Variants in CNOT2 observed in about 807,000 individuals in gnomAD.
CNOT2 encodes the protein CC chemokine receptor 4-negative regulator of transcription 2.
In CNOT2, 7 loss-of-function variants were observed where a neutral mutation model predicts 72.1. That is an observed-to-expected ratio of 0.10 (90% CI 0.06 to 0.18). The LOEUF (loss-of-function observed/expected upper bound fraction) is 0.18, where lower values mean the gene tolerates loss of function less well. Among genes scored for constraint, CNOT2 ranks in the 10% least tolerant of loss-of-function variants. The probability of loss-of-function intolerance (pLI) is 1.00; values close to 1 mark genes in which losing one functional copy is unlikely to be tolerated. For missense variants in CNOT2, 345 were observed against 660.3 expected (o/e 0.52, Z 5.23); for synonymous variants, 196 against 225.6 (o/e 0.87, Z 1.17).
At chr12:70,331,151 A>G (rs985453381) in intron 6 of CNOT2, 1 of 151,890 alleles carries the variant, frequency 6.6e-6, no homozygotes, top group African/African-American at 2.4e-5. Context: ...CTACATGTAT[A>G]TATATGTATT....
chr12:70,284,745 C>CT (rs1565766999), intron 2 of CNOT2, among the ~76,000 whole-genome samples: 4 of 152,160 alleles, frequency 2.6e-5, no homozygotes, highest in East Asian at 1.9e-4. Flanking sequence ...CGTTCTGATA[C>CT]TTTTTTTATT....
intron 2 of CNOT2, 35 bp from the exon 3 acceptor site, chr12:70,310,860 G>A (rs939678362): frequency 6.3e-7 from 1 of 1,597,184 alleles, no homozygotes; most frequent in African/African-American, 1.3e-5. Context: ...ATTTTCCAAA[G>A]TATTACCCCT....
intron 7 of CNOT2, among the ~76,000 whole-genome samples, chr12:70,334,180 A>G (rs907291970): frequency 6.6e-5 from 10 of 152,122 alleles, no homozygotes; most frequent in African/African-American, 2.2e-4. Context: ...AAGTTAATAT[A>G]TATTCAAAAT....
intron 2 of CNOT2, among the ~76,000 whole-genome samples, chr12:70,295,125 G>A (rs1420570940): frequency 2.0e-5 from 3 of 151,922 alleles, no homozygotes; most frequent in Non-Finnish European, 2.9e-5. Context: ...TGTTTCTTTC[G>A]TTCTCCTACA....
intron 1 of CNOT2, among the ~76,000 whole-genome samples, chr12:70,257,216 C>T (rs1958498067): frequency 6.6e-6 from 1 of 152,088 alleles, no homozygotes; most frequent in African/African-American, 2.4e-5. Context: ...CTTTTCAAGC[C>T]TTAGTATTCT....
intron 3 of CNOT2, among the ~76,000 whole-genome samples, chr12:70,314,746 G>C (rs1877027172): frequency 6.6e-6 from 1 of 152,062 alleles, no homozygotes; most frequent in Non-Finnish European, 1.5e-5. Context: ...CATATCATCA[G>C]TTACCTGATT....
At chr12:70,260,192 C>G (rs543906446) in intron 1 of CNOT2, among the ~76,000 whole-genome samples, 379 of 152,182 alleles carry the variant, frequency 2.5e-3, no homozygotes, top group Non-Finnish European at 4.0e-3. Flanking sequence ...CCAAAGAAAC[C>G]AGGTGGAATT....
chr12:70,247,909 T>G (rs959778321), intron 1 of CNOT2, among the ~76,000 whole-genome samples: 3 of 152,240 alleles, frequency 2.0e-5, no homozygotes, highest in African/African-American at 7.2e-5. Context: ...CTTCACTTCC[T>G]TGAATCCTTT....
chr12:70,300,107 A>T (rs1010221998), intron 2 of CNOT2, among the ~76,000 whole-genome samples: 5 of 152,128 alleles, frequency 3.3e-5, no homozygotes, highest in African/African-American at 1.2e-4. Context: ...TTCATTGTAG[A>T]TTCTGGATAT....
intron 1 of CNOT2, among the ~76,000 whole-genome samples, chr12:70,271,375 C>CTTTTTTTT (rs11285130): frequency 1.1e-5 from 1 of 89,480 alleles, no homozygotes. Context: ...ATCACATTTC[C>CTTTTTTTT]TTTTTTTTTT....
At chr12:70,328,515 T>C (rs185414194) in intron 4 of CNOT2, among the ~76,000 whole-genome samples, 4 of 152,080 alleles carry the variant, frequency 2.6e-5, no homozygotes, top group East Asian at 3.9e-4. Flanking sequence ...GTGTAAGTGA[T>C]AGCTGTACTT....
chr12:70,277,689 A>G (rs191748992), intron 1 of CNOT2, among the ~76,000 whole-genome samples: 233 of 152,304 alleles, frequency 1.5e-3, no homozygotes, highest in African/African-American at 5.5e-3. Flanking sequence ...AGCTGTGTGA[A>G]TAACTTGTAT....
At chr12:70,254,900 G>T (rs533457727) in intron 1 of CNOT2, among the ~76,000 whole-genome samples, 1 of 150,456 alleles carries the variant, frequency 6.6e-6, no homozygotes, top group South Asian at 2.1e-4. Context: ...AGAATCGCTT[G>T]AACCTGGGAG....
intron 15 of CNOT2, 193 bp downstream of exon 15, chr12:70,346,517 A>G (rs956835697): frequency 2.4e-6 from 1 of 419,920 alleles, no homozygotes; most frequent in African/African-American, 2.0e-5. Context: ...TGATAGTTAC[A>G]TTATTGAATT....
chr12:70,304,712 G>T (rs1317901918), intron 2 of CNOT2, among the ~76,000 whole-genome samples: 1 of 152,236 alleles, frequency 6.6e-6, no homozygotes, highest in Non-Finnish European at 1.5e-5. Flanking sequence ...GTCAGACAGG[G>T]ACATTTAAGT....
intron 6 of CNOT2, chr12:70,330,973 G>A (rs894371259): frequency 7.2e-5 from 11 of 152,034 alleles, no homozygotes; most frequent in African/African-American, 1.7e-4. Context: ...ACAAAAAAAC[G>A]GGTTTTTGTA....
intron 2 of CNOT2, among the ~76,000 whole-genome samples, chr12:70,297,245 T>C (rs888538600): frequency 1.3e-5 from 2 of 152,228 alleles, no homozygotes; most frequent in Non-Finnish European, 2.9e-5. Flanking sequence ...AGATCTCCAT[T>C]AGGAAAACAG....
At chr12:70,256,605 TG>T (rs1235738180) in intron 1 of CNOT2, among the ~76,000 whole-genome samples, 11 of 125,410 alleles carry the variant, frequency 8.8e-5, no homozygotes, top group African/African-American at 2.9e-4. Context: ...AAAAAAAAAG[TG>T]GTAATAGCAT....
At chr12:70,283,467 T>TGATAGATAGATAGATAGATAGATA (rs3049214) in intron 2 of CNOT2, among the ~76,000 whole-genome samples, 21 of 142,458 alleles carry the variant, frequency 1.5e-4, no homozygotes, top group Non-Finnish European at 1.1e-4. Context: ...GTCAGTCGAT[T>TGATAGATAGATAGATAGATAGATA]GATAGATAGA....
Sources: gnomAD v4.1 joint callset for allele counts (sites outside exome capture counted in the v4.1 genomes callset) on GRCh38, gnomAD v4.1.1 for gene constraint, MANE v1.5 for transcripts, NCBI Gene and HGNC (gene_info 2026-07-23, HGNC 2026-07-21) for gene names.